The following CPVL variants were observed in gnomAD, a reference collection of about 807,000 sequenced individuals.
CPVL encodes the protein probable serine carboxypeptidase CPVL.
CPVL carries 51 observed loss-of-function variants against 63.7 expected under a neutral mutation model. The ratio of observed to expected loss-of-function variants is 0.80; its 90% CI spans 0.64 to 1.01. CPVL has a LOEUF of 1.01. CPVL is among the 50% of genes least tolerant of loss of function. The probability of loss-of-function intolerance (pLI) is 0.00; values close to 1 mark genes in which losing one functional copy is unlikely to be tolerated. For synonymous variants in CPVL, 195 were observed against 206.0 expected, an observed-to-expected ratio of 0.95 and a Z score of 0.46; for missense variants, 530 against 573.1, an observed-to-expected ratio of 0.92 and a Z score of 0.77.
intron 4 of CPVL, among the ~76,000 whole-genome samples, chr7:29,095,876 C>T (rs1476636759): frequency 2.0e-5 from 3 of 152,138 alleles, no homozygotes; most frequent in Non-Finnish European, 4.4e-5. Flanking sequence ...TGCAAGAAAG[C>T]GGATTAGAAC....
intron 1 of CPVL, among the ~76,000 whole-genome samples, chr7:29,123,111 T>C (rs1294311115): frequency 6.6e-6 from 1 of 152,228 alleles, no homozygotes; most frequent in East Asian, 1.9e-4. Flanking sequence ...TTTTGTTCAG[T>C]GCTTTAAAAT....
chr7:29,065,134 G>A (rs1192610133), intron 10 of CPVL, among the ~76,000 whole-genome samples: 2 of 150,588 alleles, frequency 1.3e-5, no homozygotes, highest in Non-Finnish European at 3.0e-5. Context: ...AAAAAAAACA[G>A]TTACACAAGG....
chr7:29,194,824 G>C (rs1401622053), intron 1 of CPVL: 6 of 892,930 alleles, frequency 6.7e-6, no homozygotes, highest in Non-Finnish European at 9.1e-6. Flanking sequence ...CTTTCTGCGC[G>C]TCCCCAGGAC....
chr7:29,190,271 C>T (rs1286870304), intron 1 of CPVL, among the ~76,000 whole-genome samples: 1 of 152,148 alleles, frequency 6.6e-6, no homozygotes, highest in African/African-American at 2.4e-5. Flanking sequence ...AGAGTACTTG[C>T]CATAAAATAT....
chr7:29,153,819 C>T (rs374584087), intron 5 of CPVL, among the ~76,000 whole-genome samples: 1 of 152,190 alleles, frequency 6.6e-6, no homozygotes, highest in East Asian at 1.9e-4. Flanking sequence ...ATCTACCTGC[C>T]TCGGCCTCTC....
chr7:29,043,229 T>C (rs1041816076), intron 11 of CPVL, among the ~76,000 whole-genome samples: 5 of 117,392 alleles, frequency 4.3e-5, no homozygotes, highest in Non-Finnish European at 9.3e-5. Context: ...CACAGCTTAC[T>C]TTTCTTTACC....
intron 2 of CPVL, among the ~76,000 whole-genome samples, chr7:29,119,274 G>A (rs1399907541): frequency 6.6e-6 from 1 of 152,172 alleles, no homozygotes; most frequent in East Asian, 1.9e-4. Context: ...ATGACTTGAG[G>A]TCAGGAGTTT....
chr7:29,136,480 G>A (rs1346753792), intron 1 of CPVL, among the ~76,000 whole-genome samples: 3 of 152,196 alleles, frequency 2.0e-5, no homozygotes, highest in African/African-American at 4.8e-5. Context: ...GGTAAGGTAT[G>A]TAAAAGTGGT....
intron 5 of CPVL, among the ~76,000 whole-genome samples, chr7:29,163,383 A>C (rs2128713965): frequency 6.6e-6 from 1 of 152,248 alleles, no homozygotes; most frequent in East Asian, 1.9e-4. Context: ...TCAACCTTAA[A>C]AATGTTTAAA....
intron 12 of CPVL, among the ~76,000 whole-genome samples, chr7:28,998,404 G>A (rs764349861): frequency 9.2e-5 from 14 of 152,306 alleles, no homozygotes; most frequent in South Asian, 6.2e-4. Flanking sequence ...TCACAGCCTG[G>A]GCTCAGAAGT....
At chr7:29,177,560 CT>C (rs200237886) in intron 5 of CPVL, among the ~76,000 whole-genome samples, 201 of 146,414 alleles carry the variant, frequency 1.4e-3, no homozygotes, top group Non-Finnish European at 1.2e-3. Flanking sequence ...GGCCCCCTCA[CT>C]TTTTTTTTTT....
At chr7:29,050,854 C>T (rs984945590) in intron 11 of CPVL, among the ~76,000 whole-genome samples, 1 of 150,596 alleles carries the variant, frequency 6.6e-6, no homozygotes, top group Non-Finnish European at 1.5e-5. Flanking sequence ...TCAAACTATA[C>T]TATAAGGCCA....
chr7:29,120,769 T>G, intron 2 of CPVL, 124 bp downstream of exon 2: 1 of 892,426 alleles, frequency 1.1e-6, no homozygotes, highest in Non-Finnish European at 1.7e-6. Context: ...TGCAGTGAGC[T>G]GAGATCGCGC....
At chr7:29,071,717 T>TCC in intron 9 of CPVL, 56 bp downstream of exon 9, 2 of 341,404 alleles carry the variant, frequency 5.9e-6, no homozygotes, top group Non-Finnish European at 1.0e-5. Flanking sequence ...TCACCCGCCC[T>TCC]CCCTCCCCAG....
intron 5 of CPVL, among the ~76,000 whole-genome samples, chr7:29,161,256 C>T (rs1281337797): frequency 6.6e-6 from 1 of 152,164 alleles, no homozygotes; most frequent in African/African-American, 2.4e-5. Context: ...GGAAGGACAG[C>T]ATGGTTACTC....
At chr7:29,139,259 T>C (rs1476417954) in intron 1 of CPVL, among the ~76,000 whole-genome samples, 2 of 152,172 alleles carry the variant, frequency 1.3e-5, no homozygotes, top group Non-Finnish European at 2.9e-5. Context: ...CCAATTCACT[T>C]CTCCCCTTGG....
intron 3 of CPVL, among the ~76,000 whole-genome samples, chr7:29,101,851 G>GT (rs989212420): frequency 7.3e-5 from 11 of 151,102 alleles, no homozygotes; most frequent in East Asian, 1.9e-4. Context: ...ACATACACAC[G>GT]TTTTTTTTCC....
intron 11 of CPVL, among the ~76,000 whole-genome samples, chr7:29,053,826 G>A (rs1167466592): frequency 6.6e-6 from 1 of 151,076 alleles, no homozygotes; most frequent in Non-Finnish European, 1.5e-5. Context: ...GCTGAGGTGG[G>A]AGGATTGCTT....
intron 1 of CPVL, among the ~76,000 whole-genome samples, chr7:29,135,085 C>CA (rs1290134801): frequency 2.4e-5 from 3 of 124,854 alleles, no homozygotes; most frequent in African/African-American, 9.6e-5. Flanking sequence ...GCCTAGATGA[C>CA]AGAGAGAGAC....
Sources: gnomAD v4.1 joint callset for allele counts (sites outside exome capture counted in the v4.1 genomes callset) on GRCh38, gnomAD v4.1.1 for gene constraint, MANE v1.5 for transcripts, NCBI Gene and HGNC (gene_info 2026-07-23, HGNC 2026-07-21) for gene names.